The following THSD7A variants were observed in gnomAD, a reference collection of about 807,000 sequenced individuals.
THSD7A encodes the protein thrombospondin type 1 domain containing 7A, also known as thrombospondin type-1 domain-containing protein 7A.
In THSD7A, 96 loss-of-function variants were observed where a neutral mutation model predicts 231.3. The ratio of observed to expected loss-of-function variants is 0.41; its 90% confidence interval spans 0.35 to 0.49. The LOEUF is 0.49. Among genes scored for constraint, THSD7A ranks in the 20% least tolerant of loss-of-function variants. The pLI is 0.05. For synonymous variants in THSD7A, 940 were observed against 743.3 expected, an observed-to-expected ratio of 1.26 and a Z score of -4.30; for missense variants, 2,290 against 2,070.2, an observed-to-expected ratio of 1.11 and a Z score of -2.06.
At chr7:11,390,887 C>T (rs1181812124) in intron 23 of THSD7A, among the ~76,000 whole-genome samples, 1 of 152,186 alleles carries the variant, frequency 6.6e-6, no homozygotes, top group African/African-American at 2.4e-5. Flanking sequence ...TCTGGAGGTC[C>T]ACTCCAGACC....
intron 27 of THSD7A, 109 bp from the exon 28 acceptor site, chr7:11,375,987 G>T: frequency 2.3e-6 from 2 of 866,646 alleles, no homozygotes; most frequent in Non-Finnish European, 3.8e-6. Flanking sequence ...AAATTGCCTC[G>T]TTGCCTGCGT....
At chr7:11,804,593 G>T (rs1167425729) in intron 1 of THSD7A, among the ~76,000 whole-genome samples, 3 of 152,016 alleles carry the variant, frequency 2.0e-5, no homozygotes, top group African/African-American at 4.8e-5. Context: ...AATCTGCATG[G>T]GTTACATTGA....
In THSD7A at chr7:11,786,947, T is replaced by C. The variant is rs1003452210; in HGVS notation, c.190+44810A>G. On this transcript the variant is annotated intron_variant, in intron 1 of 27. Coordinates refer to ENST00000423059, the MANE Select transcript of THSD7A (RefSeq NM_015204.3). The stretch of plus-strand genomic sequence containing the variant: ...GTCACAAACTGGTGGCCCTTAGGCA[T>C]TTTAGTGACATGAGTGCTTGGCTCT... 2.0e-5 allele frequency among the ~76,000 whole-genome samples: 3 copies of C among 152,040 alleles called. No individual in the cohort carries two copies. In the East Asian group the frequency reaches 5.8e-4, roughly 29 times the overall value.
At chr7:11,669,112 A>G (rs1038758449) in intron 1 of THSD7A, among the ~76,000 whole-genome samples, 2 of 152,124 alleles carry the variant, frequency 1.3e-5, no homozygotes, top group Non-Finnish European at 2.9e-5. Context: ...GGTCTCTGCT[A>G]TAGAAATGCC....
intron 1 of THSD7A, among the ~76,000 whole-genome samples, chr7:11,723,523 T>G (rs1179105355): frequency 6.6e-6 from 1 of 151,756 alleles, no homozygotes; most frequent in Non-Finnish European, 1.5e-5. Context: ...TTAAATAGTA[T>G]GTTAAATAGT....
intron 6 of THSD7A, among the ~76,000 whole-genome samples, chr7:11,486,695 G>A (rs772820946): frequency 3.9e-5 from 6 of 152,012 alleles, no homozygotes; most frequent in South Asian, 2.1e-4. Flanking sequence ...GCTTCTCTTC[G>A]TGTATTCATA....
At chr7:11,639,589 A>G (rs1584128324) in intron 1 of THSD7A, among the ~76,000 whole-genome samples, 2 of 152,112 alleles carry the variant, frequency 1.3e-5, no homozygotes, top group Non-Finnish European at 1.5e-5. Context: ...AATGGTGTGA[A>G]CCCAGGAGGT....
chr7:11,385,344 T>C (rs1489657489), intron 23 of THSD7A: 1 of 152,098 alleles, frequency 6.6e-6, no homozygotes, highest in Non-Finnish European at 1.5e-5. Context: ...GCAACAGTGG[T>C]ATCCTTGTTC....
At chr7:11,781,014 A>T (rs1783610222) in intron 1 of THSD7A, among the ~76,000 whole-genome samples, 1 of 135,046 alleles carries the variant, frequency 7.4e-6, no homozygotes. Context: ...AAAAAAAAAA[A>T]AAAAAAAAAA....
At chr7:11,479,021 A>C (rs1373600879) in intron 7 of THSD7A, among the ~76,000 whole-genome samples, 3 of 152,236 alleles carry the variant, frequency 2.0e-5, no homozygotes, top group African/African-American at 7.2e-5. Flanking sequence ...AGATTCTCCA[A>C]GTATTTTCTT....
Position 11,636,119 on chromosome 7 carries a change from T to A in THSD7A, c.1022+11A>T, listed in dbSNP as rs1781832362. Reference sequence around the variant, plus strand: ...ACAAGCCTGTGTAGTTAACAGTAATTAAAATGTTACCTTAAATCAGCAGCT... The same window carrying A: ...ACAAGCCTGTGTAGTTAACAGTAATAAAAATGTTACCTTAAATCAGCAGCT... On this transcript the variant is annotated intron_variant, in intron 2 of 27. Transcript: ENST00000423059. The surrounding 1 kb of genome is among the most constrained non-coding windows in gnomAD (Gnocchi z 10.0). 2 of 1,600,960 alleles carry A rather than the reference T, an allele frequency of 1.2e-6. No homozygotes were observed. Among genetic ancestry groups the A allele is most frequent in the Non-Finnish European group, 1.7e-6 (2 of 1,173,092 alleles).
At chr7:11,612,607 A>C (rs2128349547) in intron 2 of THSD7A, among the ~76,000 whole-genome samples, 1 of 152,338 alleles carries the variant, frequency 6.6e-6, no homozygotes, top group East Asian at 1.9e-4. Context: ...ATTACTGAGA[A>C]AGTATCAGAA....
intron 6 of THSD7A, among the ~76,000 whole-genome samples, chr7:11,519,829 A>T (rs1788188532): frequency 6.6e-6 from 1 of 152,210 alleles, no homozygotes; most frequent in Non-Finnish European, 1.5e-5. Flanking sequence ...ATTCAAGAGC[A>T]GATTCTAAAC....
At chr7:11,820,691 G>A (rs190781334) in intron 1 of THSD7A, 2 of 884,542 alleles carry the variant, frequency 2.3e-6, no homozygotes, top group African/African-American at 1.6e-5. Flanking sequence ...CCCCAGTCTC[G>A]ATGTCTCAAA....
intron 1 of THSD7A, among the ~76,000 whole-genome samples, chr7:11,649,988 T>A (rs1175539649): frequency 6.6e-6 from 1 of 152,080 alleles, no homozygotes; most frequent in African/African-American, 2.4e-5. Flanking sequence ...AATTTGGCCC[T>A]GGGGTGAGGG....
chr7:11,597,400 G>C (rs1369250288), intron 2 of THSD7A, among the ~76,000 whole-genome samples: 3 of 152,188 alleles, frequency 2.0e-5, no homozygotes, highest in Non-Finnish European at 4.4e-5. Context: ...TGCCAGTTTT[G>C]AGTGGGGTCC....
At chr7:11,475,555 A>G (rs771587619) in intron 7 of THSD7A, among the ~76,000 whole-genome samples, 7 of 149,034 alleles carry the variant, frequency 4.7e-5, no homozygotes, top group African/African-American at 1.7e-4. Flanking sequence ...GGTTATAAGT[A>G]TATATATAAC....
At chr7:11,401,351 A>T (rs1472336224) in intron 23 of THSD7A, among the ~76,000 whole-genome samples, 1 of 152,062 alleles carries the variant, frequency 6.6e-6, no homozygotes, top group Non-Finnish European at 1.5e-5. Context: ...CAATCTTTAG[A>T]ATTCAGAATC....
At chr7:11,777,337 A>G (rs1329141106) in intron 1 of THSD7A, among the ~76,000 whole-genome samples, 1 of 152,006 alleles carries the variant, frequency 6.6e-6, no homozygotes, top group African/African-American at 2.4e-5. Context: ...GAGCCAACAG[A>G]CCCAATAAAC....
Sources: allele counts gnomAD v4.1 joint callset (sites outside exome capture counted in the v4.1 genomes callset), GRCh38; gene constraint gnomAD v4.1.1; non-coding constraint Gnocchi (gnomAD v3.1); transcripts MANE v1.5; gene names NCBI Gene and HGNC (gene_info 2026-07-23, HGNC 2026-07-21).